Variants in SLC41A3 observed in about 807,000 individuals in gnomAD.
SLC41A3 encodes solute carrier family 41 member 3.
In SLC41A3, 44 loss-of-function variants were observed where a neutral mutation model predicts 45.4. The observed-to-expected ratio is 0.97, with a 90% CI of 0.76 to 1.25. SLC41A3 has a LOEUF of 1.25. Among genes scored for constraint, SLC41A3 ranks in the 50% most tolerant of loss-of-function variants. The probability of loss-of-function intolerance (pLI) is 0.00; values close to 1 mark genes in which losing one functional copy is unlikely to be tolerated. For missense variants in SLC41A3, 550 were observed against 600.6 expected (o/e 0.92, Z 0.88); for synonymous variants, 256 against 252.4 (o/e 1.01, Z -0.13).
chr3:126,061,416 G>A (rs545028367), intron 2 of SLC41A3, among the ~76,000 whole-genome samples: 13 of 152,092 alleles, frequency 8.5e-5, no homozygotes, highest in Non-Finnish European at 1.8e-4. Context: ...CCTGGGGAAG[G>A]GGGATCTTCT....
At chr3:126,008,014 G>T (rs544538934) in intron 10 of SLC41A3, among the ~76,000 whole-genome samples, 1 of 152,232 alleles carries the variant, frequency 6.6e-6, no homozygotes, top group African/African-American at 2.4e-5. Context: ...GTCTACGCAT[G>T]CCTTGCAGCA....
At chr3:126,055,664 T>C (rs550933052) in intron 2 of SLC41A3, among the ~76,000 whole-genome samples, 23 of 152,356 alleles carry the variant, frequency 1.5e-4, no homozygotes, top group African/African-American at 5.3e-4. Context: ...CCAATTTTTC[T>C]AAACTGACTC....
upstream of SLC41A3, among the ~76,000 whole-genome samples, chr3:126,086,498 CTGTGTGTGTGTGTGTGTGTGTG>C (rs57609698): frequency 1.7e-4 from 22 of 133,150 alleles, no homozygotes; most frequent in Non-Finnish European, 1.1e-4. Flanking sequence ...GCTATAGGAT[CTGTGTGTGTGTGTGTGTGTGTG>C]TGTGTGTGTG....
chr3:126,099,013 C>T (rs1267621148), intron 1 of SLC41A3, among the ~76,000 whole-genome samples: 4 of 151,368 alleles, frequency 2.6e-5, no homozygotes, highest in Admixed American at 1.3e-4. Context: ...GTGATCCACC[C>T]GCCTCAGCCT....
At chr3:126,021,622 T>C (rs562797429) in intron 6 of SLC41A3, among the ~76,000 whole-genome samples, 1 of 152,302 alleles carries the variant, frequency 6.6e-6, no homozygotes, top group East Asian at 1.9e-4. Context: ...CTCCTGCTCA[T>C]TATTTCAGGG....
chr3:126,014,066 C>T (rs771354984), intron 8 of SLC41A3, among the ~76,000 whole-genome samples: 3 of 152,108 alleles, frequency 2.0e-5, no homozygotes, highest in African/African-American at 7.2e-5. Context: ...GATGCGGGGG[C>T]GGGCTGATGG....
chr3:126,043,127 C>G (rs1942704116), intron 3 of SLC41A3, among the ~76,000 whole-genome samples: 1 of 151,172 alleles, frequency 6.6e-6, no homozygotes, highest in Non-Finnish European at 1.5e-5. Flanking sequence ...AAGTCAAAAA[C>G]AAAAAGAGAA....
chr3:126,008,675 C>A, intron 10 of SLC41A3, 57 bp downstream of exon 10: 1 of 1,593,406 alleles, frequency 6.3e-7, no homozygotes, highest in South Asian at 1.1e-5. Flanking sequence ...GACAAGAGAT[C>A]AAGCCTGCTG....
rs768375379 is a variant in SLC41A3 at position 126,015,487 on chromosome 3, T to C, written c.970+7A>G. ...AGGGACCACATGGGAACCCTTCAAA[T>C]ACGTACCACATATGACGGGGGTAAA... On this transcript the variant is annotated splice_region_variant and intron_variant, in intron 8 of 10. Transcript: ENST00000360370. The C allele has an allele frequency of 1.2e-6, 2 of 1,614,010 alleles. No individual in the cohort carries two copies. The highest frequency in any genetic ancestry group is 1.3e-5 in the African/African-American group (1 of 74,914).
intron 1 of SLC41A3, chr3:126,095,376 G>C (rs1230569639): frequency 1.9e-6 from 1 of 513,470 alleles, no homozygotes; most frequent in East Asian, 3.2e-5. Context: ...CCGGAGGACA[G>C]ATCAAGAAGC....
upstream of SLC41A3, chr3:126,084,386 C>T (rs1945328377): frequency 2.0e-5 from 3 of 152,180 alleles, no homozygotes; most frequent in Non-Finnish European, 1.5e-5. Context: ...GGCGCCCCCG[C>T]GGGAGCGCTA....
intron 3 of SLC41A3, 111 bp downstream of exon 3, chr3:126,050,832 T>G (rs1209107439): frequency 1.4e-6 from 2 of 1,421,950 alleles, no homozygotes; most frequent in African/African-American, 2.9e-5. Flanking sequence ...CCCAGAAATA[T>G]CCATTGTTTT....
chr3:126,056,451 T>A lies in SLC41A3; in HGVS notation c.274-5401A>T, dbSNP rs574547420. 241 of 1,614,166 alleles carry A rather than the reference T, an allele frequency of 1.5e-4. No individual in the cohort carries two copies. In the South Asian group the frequency reaches 2.4e-3, roughly 16 times the overall value. Reference sequence around the variant, plus strand: ...CCTGGCACATGATGGTGAAGAAAGATTCAGGCAAGACCCCATGTGGGGACC... The same window carrying A: ...CCTGGCACATGATGGTGAAGAAAGAATCAGGCAAGACCCCATGTGGGGACC... On this transcript the variant is annotated intron_variant, in intron 2 of 10. Transcript: ENST00000360370.
chr3:126,082,669 T>C (rs995435494), intron 1 of SLC41A3, among the ~76,000 whole-genome samples: 2 of 152,172 alleles, frequency 1.3e-5, no homozygotes, highest in Non-Finnish European at 2.9e-5. Flanking sequence ...GAAGCATCCC[T>C]GTGTCACCCT....
At position 126,033,579 on chromosome 3, in the gene SLC41A3, G is replaced by C. The variant is rs376123148; in HGVS notation, c.453+28C>G. The stretch of plus-strand genomic sequence containing the variant: ...GGGAAGCCTGGCTGCAGATTCAGAA[G>C]GGAGGGTCGGACAAGGTGAAGACTC... On this transcript the variant is annotated intron_variant, in intron 4 of 10. Transcript: ENST00000360370. 1.3e-5 allele frequency: 21 copies of C among 1,607,258 alleles called. No individual in the cohort carries two copies. In the African/African-American group the frequency reaches 2.7e-4, roughly 20 times the overall value.
intron 3 of SLC41A3, among the ~76,000 whole-genome samples, chr3:126,050,249 C>G (rs1174270536): frequency 6.6e-6 from 1 of 152,196 alleles, no homozygotes; most frequent in East Asian, 1.9e-4. Context: ...GCCCTCTACT[C>G]TATAGCTACG....
intron 3 of SLC41A3, among the ~76,000 whole-genome samples, chr3:126,050,327 A>G (rs1307839025): frequency 2.0e-5 from 3 of 152,170 alleles, no homozygotes; most frequent in Non-Finnish European, 4.4e-5. Context: ...CACCTACAGG[A>G]TATCACATGG....
At chr3:126,044,952 A>G (rs1381448218) in intron 3 of SLC41A3, among the ~76,000 whole-genome samples, 1 of 151,006 alleles carries the variant, frequency 6.6e-6, no homozygotes, top group Non-Finnish European at 1.5e-5. Flanking sequence ...TCCAATCACA[A>G]GGGAGTAAAA....
chr3:126,087,658 T>A (rs1335351975), upstream of SLC41A3, among the ~76,000 whole-genome samples: 1 of 151,974 alleles, frequency 6.6e-6, no homozygotes, highest in African/African-American at 2.4e-5. Context: ...TAAGAAAGAA[T>A]CTTGTGTAGC....
Sources: gnomAD v4.1 joint callset for allele counts (sites outside exome capture counted in the v4.1 genomes callset) on GRCh38, gnomAD v4.1.1 for gene constraint, MANE v1.5 for transcripts, NCBI Gene and HGNC (gene_info 2026-07-23, HGNC 2026-07-21) for gene names.